ADAM18: variants seen among roughly 807,000 people sequenced by gnomAD.
The protein encoded by ADAM18 is disintegrin and metalloproteinase domain-containing protein 18.
In ADAM18, 117 loss-of-function variants were observed where a neutral mutation model predicts 94.4. That is an observed-to-expected ratio of 1.24 (90% CI 1.07 to 1.45). The LOEUF (loss-of-function observed/expected upper bound fraction) is 1.45. Among genes scored for constraint, ADAM18 ranks in the 40% most tolerant of loss-of-function variants. ADAM18 has a pLI of 0.00. For synonymous variants in ADAM18, 327 were observed against 291.6 expected, an observed-to-expected ratio of 1.12 and a Z score of -1.24; for missense variants, 936 against 880.0, an observed-to-expected ratio of 1.06 and a Z score of -0.81.
chr8:39,639,271 C>T (rs1388662823), intron 10 of ADAM18, among the ~76,000 whole-genome samples: 2 of 151,938 alleles, frequency 1.3e-5, no homozygotes, highest in African/African-American at 2.4e-5. Flanking sequence ...GTCCTCCCAC[C>T]TATTACCCAT....
At chr8:39,588,538 A>G (rs1343683071) in intron 2 of ADAM18, among the ~76,000 whole-genome samples, 1 of 152,200 alleles carries the variant, frequency 6.6e-6, no homozygotes, top group Non-Finnish European at 1.5e-5. Flanking sequence ...AATGGCTTAA[A>G]TTTTAGGATA....
intron 7 of ADAM18, among the ~76,000 whole-genome samples, chr8:39,633,613 C>T (rs1819993667): frequency 6.6e-6 from 1 of 152,020 alleles, no homozygotes; most frequent in Non-Finnish European, 1.5e-5. Flanking sequence ...TGAATTATGC[C>T]CATGCCATAG....
Position 39,637,186 on chromosome 8 carries a change from T to C in ADAM18, c.589-78T>C, listed in dbSNP as rs1585924011. ...ACAGCTCTAGATTACTTATAATATCTAATACAATGCCTAAATATCATTTCA... is the reference window on the plus strand; with the variant it reads ...ACAGCTCTAGATTACTTATAATATCCAATACAATGCCTAAATATCATTTCA... On this transcript the variant is annotated intron_variant, in intron 7 of 19. Transcript: ENST00000265707. 21 of 1,143,626 alleles carry C rather than the reference T, an allele frequency of 1.8e-5. No homozygotes were observed. In the East Asian group the frequency reaches 5.2e-4, roughly 28 times the overall value. 70.8% of individuals were successfully genotyped at this position (1,143,626 alleles called of 1,614,324 possible). A position where few individuals can be genotyped will look rare whatever the true frequency, so the allele number is the denominator to read the frequency against.
chr8:39,644,502 G>T (rs1585932104), intron 10 of ADAM18, among the ~76,000 whole-genome samples: 3 of 151,996 alleles, frequency 2.0e-5, no homozygotes, highest in Admixed American at 2.0e-4. Flanking sequence ...TGCCCAGGCT[G>T]GTCTTGAGTT....
intron 10 of ADAM18, among the ~76,000 whole-genome samples, chr8:39,638,990 A>G (rs1820162519): frequency 6.6e-6 from 1 of 151,924 alleles, no homozygotes. Context: ...GAAAATTTGT[A>G]TATTGATAAA....
chr8:39,603,079 T>A (rs768642530), intron 2 of ADAM18, among the ~76,000 whole-genome samples: 2 of 152,232 alleles, frequency 1.3e-5, no homozygotes, highest in African/African-American at 2.4e-5. Context: ...GAGATTCGTC[T>A]TTTTGCATGT....
At chr8:39,635,909 C>A (rs1445158252) in intron 7 of ADAM18, among the ~76,000 whole-genome samples, 1 of 151,960 alleles carries the variant, frequency 6.6e-6, no homozygotes, top group East Asian at 1.9e-4. Flanking sequence ...AAACTAATTA[C>A]AATGTCTGCC....
At chr8:39,686,619 G>T (rs1041550727) in intron 16 of ADAM18, among the ~76,000 whole-genome samples, 2 of 152,034 alleles carry the variant, frequency 1.3e-5, no homozygotes, top group African/African-American at 4.8e-5. Flanking sequence ...TTAATATCTT[G>T]GTTAAAGTGT....
intron 2 of ADAM18, among the ~76,000 whole-genome samples, chr8:39,598,588 C>G (rs944202178): frequency 5.3e-5 from 8 of 151,766 alleles, no homozygotes; most frequent in African/African-American, 1.9e-4. Context: ...GCCAACATGG[C>G]AAAACCTGGT....
rs747495103 is a variant in ADAM18, at chr8:39,680,175, T to G, written c.1770T>G (p.Asp590Glu). 3 of 1,613,762 alleles carry G rather than the reference T, an allele frequency of 1.9e-6. No individual in the cohort carries two copies. In the Admixed American group the frequency reaches 5.0e-5, roughly 27 times the overall value. The change falls in exon 16 of 20, where the codon GAT (aspartate) becomes GAG (glutamate). Residue 590 changes from aspartate to glutamate, a missense_variant. Physicochemically the swap from Asp to Glu is conservative, Grantham distance 45. Transcript: ENST00000265707. ...CCACTGGTTCCTCCATGAGATCAGA[T>G]GGAACAGACAATGCCTATGTGGCTG... ...SIATGSSMRSDGTDNAYVADG... is the reference protein window; with the variant it reads ...SIATGSSMRSEGTDNAYVADG...
chr8:39,590,790 G>A (rs1563265256), intron 2 of ADAM18, among the ~76,000 whole-genome samples: 1 of 152,016 alleles, frequency 6.6e-6, no homozygotes, highest in South Asian at 2.1e-4. Context: ...TCCAAAATTA[G>A]CACTCGATTC....
In ADAM18 at chr8:39,626,974, C is replaced by T. The variant is rs77251258; in HGVS notation, c.523-2400C>T. Among the ~76,000 whole-genome samples, 762 of 152,146 alleles carry T rather than the reference C, an allele frequency of 5.0e-3. 5 individuals are homozygous for T. The highest frequency in any genetic ancestry group is 0.023 in the East Asian group (121 of 5,156). ...GTTGACTTTCTGCCTTGAAATCTGT[C>T]TAGTGCTGTCAGGGGAGCGTTGAAG... On this transcript the variant is annotated intron_variant, in intron 6 of 19. Coordinates refer to ENST00000265707, the MANE Select transcript of ADAM18 (RefSeq NM_014237.3).
intron 15 of ADAM18, among the ~76,000 whole-genome samples, chr8:39,678,009 C>T (rs759121473): frequency 4.3e-4 from 65 of 152,088 alleles, no homozygotes; most frequent in Non-Finnish European, 7.2e-4. Flanking sequence ...CATAGTGTTA[C>T]TATAATCCAT....
At chr8:39,713,982 C>T (rs1822497067) in intron 18 of ADAM18, among the ~76,000 whole-genome samples, 1 of 152,140 alleles carries the variant, frequency 6.6e-6, no homozygotes, top group Non-Finnish European at 1.5e-5. Context: ...TATAAAGACA[C>T]ATGCACACAT....
chr8:39,722,215 GTGTATATATATATATATA>G lies in ADAM18; in HGVS notation c.2018-1531_2018-1514del, dbSNP rs1174784356. ...CGTGTGTGTGTGTGTGTGTGTGTGT[GTGTATATATATATATATA>G]TATATATATATATATATATATATAT... On this transcript the variant is annotated intron_variant, in intron 18 of 19. Transcript: ENST00000265707. Among the ~76,000 whole-genome samples the G allele has an allele frequency of 4.2e-3, 287 of 68,052 alleles. 1 individual carries two copies. Among genetic ancestry groups the G allele is most frequent in the African/African-American group, 0.025 (272 of 11,046 alleles). 44.6% of individuals were successfully genotyped at this position (68,052 alleles called of 152,430 possible). A position where few individuals can be genotyped will look rare whatever the true frequency, so the allele number is the denominator to read the frequency against.
intron 14 of ADAM18, 41 bp downstream of exon 14, chr8:39,668,237 C>A: frequency 6.3e-7 from 1 of 1,582,168 alleles, no homozygotes; most frequent in East Asian, 2.2e-5. Context: ...CTTACATTTG[C>A]ATCTCTCTGT....
intron 14 of ADAM18, among the ~76,000 whole-genome samples, chr8:39,676,410 G>A (rs533258240): frequency 1.6e-4 from 25 of 152,326 alleles, no homozygotes; most frequent in African/African-American, 4.8e-4. Context: ...AGACTGCTGC[G>A]CTAGCAGTGA....
At chr8:39,716,084 TTCTC>T (rs920289307) in intron 18 of ADAM18, among the ~76,000 whole-genome samples, 13 of 151,986 alleles carry the variant, frequency 8.6e-5, no homozygotes, top group African/African-American at 2.7e-4. Flanking sequence ...TATTTGCATT[TTCTC>T]TCTCTCTTTT....
At chr8:39,649,626 A>C (rs1820471999) in intron 12 of ADAM18, among the ~76,000 whole-genome samples, 1 of 152,210 alleles carries the variant, frequency 6.6e-6, no homozygotes, top group Non-Finnish European at 1.5e-5. Context: ...AGATATAGCC[A>C]GTGTCCCATC....
Sources: allele counts gnomAD v4.1 joint callset (sites outside exome capture counted in the v4.1 genomes callset), GRCh38; gene constraint gnomAD v4.1.1; transcripts MANE v1.5; gene names NCBI Gene and HGNC (gene_info 2026-07-23, HGNC 2026-07-21).